Variants in KCNMA1 observed in about 807,000 individuals in gnomAD.
KCNMA1 encodes the protein potassium calcium-activated channel subfamily M alpha 1, also known as Calcium-activated potassium channel subunit alpha-1.
Under a neutral mutation model 140.0 loss-of-function variants are expected in KCNMA1, and 29 were observed. That is an observed-to-expected ratio of 0.21 (90% CI 0.15 to 0.28). KCNMA1 has a LOEUF of 0.28. KCNMA1 is among the 10% of genes least tolerant of loss of function. The pLI is 1.00. For synonymous variants in KCNMA1, 612 were observed against 611.9 expected (o/e 1.00, Z 0.00); for missense variants, 880 against 1,602.2 (o/e 0.55, Z 7.70).
Position 77,012,620 on chromosome 10 carries a change from G to C in KCNMA1, c.2016-577C>G, listed in dbSNP as rs571842598. The C allele has an allele frequency of 1.6e-4, 212 of 1,327,868 alleles. No individual in the cohort carries two copies. The East Asian group carries it at 5.1e-3, about 32-fold the overall frequency. 82.3% of individuals were successfully genotyped at this position (1,327,868 alleles called of 1,614,324 possible). On this transcript the variant is annotated intron_variant, in intron 17 of 27. Coordinates refer to ENST00000286628, the MANE Select transcript of KCNMA1 (RefSeq NM_001161352.2). ...GTTCCTCTGTCAAACCCCCTCTGGA[G>C]TTTCACAGCTTATTTTACTCCAAAG...
chr10:76,928,361 G>C (rs1157775306), intron 23 of KCNMA1, among the ~76,000 whole-genome samples: 1 of 151,148 alleles, frequency 6.6e-6, no homozygotes, highest in African/African-American at 2.4e-5. Context: ...TATATTCCAG[G>C]GAAGAGACTT....
intron 5 of KCNMA1, among the ~76,000 whole-genome samples, chr10:77,152,678 G>A (rs1170076602): frequency 2.6e-5 from 4 of 152,150 alleles, no homozygotes; most frequent in Admixed American, 2.6e-4. Flanking sequence ...CTTACGACCT[G>A]TAGACAGGCC....
chr10:77,066,063 G>A (rs2095930413), intron 14 of KCNMA1, among the ~76,000 whole-genome samples: 1 of 152,182 alleles, frequency 6.6e-6, no homozygotes, highest in Non-Finnish European at 1.5e-5. Context: ...GGCCATTGTA[G>A]GGACTTTATT....
intron 3 of KCNMA1, among the ~76,000 whole-genome samples, chr10:77,244,595 G>A (rs533771426): frequency 1.3e-5 from 2 of 152,166 alleles, no homozygotes; most frequent in Non-Finnish European, 2.9e-5. Context: ...AACAGATCCT[G>A]TCCCCAAAAT....
intron 2 of KCNMA1, among the ~76,000 whole-genome samples, chr10:77,275,746 T>C (rs2395462): frequency 0.85 from 128,719 of 152,198 alleles, 54,651 homozygotes; most frequent in African/African-American, 0.91. Flanking sequence ...CCACCATCAC[T>C]GCTCAGCAGG....
intron 18 of KCNMA1, 40 bp from the exon 19 acceptor site, chr10:77,001,620 C>A (rs1441014511): frequency 6.7e-7 from 1 of 1,503,278 alleles, no homozygotes. Context: ...GGAAGAGCGG[C>A]AATTAATGGC....
intron 1 of KCNMA1, among the ~76,000 whole-genome samples, chr10:77,417,553 G>T (rs944477277): frequency 6.6e-6 from 1 of 152,216 alleles, no homozygotes; most frequent in Non-Finnish European, 1.5e-5. Context: ...AATCCCAAAT[G>T]AGATCAGATG....
chr10:77,144,917 T>C (rs2154030365), intron 5 of KCNMA1, among the ~76,000 whole-genome samples: 1 of 152,306 alleles, frequency 6.6e-6, no homozygotes, highest in African/African-American at 2.4e-5. Flanking sequence ...GATTATGACA[T>C]CTACTTCACA....
At position 77,439,142 on chromosome 10, in the gene KCNMA1, GAAGAGAAAAGAGAAGAGAAGAA is replaced by G. The variant is rs1440410844; in HGVS notation, c.379-35141_379-35120del. On this transcript the variant is annotated intron_variant, in intron 1 of 27. Transcript: ENST00000286628. Reference sequence around the variant, plus strand: ...GAAGAGAAGAGAAGAGAAGAGAAGAGAAGAGAAAAGAGAAGAGAAGAAAAGAAAAGAGAAGAGAAGATTCCAA... The same window carrying G: ...GAAGAGAAGAGAAGAGAAGAGAAGAGAAGAAAAGAGAAGAGAAGATTCCAA... 2.3e-3 allele frequency among the ~76,000 whole-genome samples: 310 copies of G among 132,812 alleles called. 3 individuals carry two copies. The highest frequency in any genetic ancestry group is 8.1e-3 in the African/African-American group (288 of 35,696). 87.1% of individuals were successfully genotyped at this position (132,812 alleles called of 152,430 possible).
At chr10:76,945,223 A>G (rs528664072) in intron 22 of KCNMA1, among the ~76,000 whole-genome samples, 1 of 152,328 alleles carries the variant, frequency 6.6e-6, no homozygotes, top group South Asian at 2.1e-4. Context: ...CTTGTTCTCA[A>G]TACTCAATCA....
intron 19 of KCNMA1, among the ~76,000 whole-genome samples, chr10:76,987,479 G>GTTACAA (rs2081592447): frequency 6.6e-6 from 1 of 152,140 alleles, no homozygotes; most frequent in African/African-American, 2.4e-5. Context: ...TACCCTTTTT[G>GTTACAA]TTACAATTAC....
intron 5 of KCNMA1, chr10:77,149,921 G>A (rs941674637): frequency 6.6e-6 from 1 of 152,168 alleles, no homozygotes; most frequent in Admixed American, 6.5e-5. Context: ...CGCAGCATAT[G>A]ACTTCACTGA....
intron 18 of KCNMA1, among the ~76,000 whole-genome samples, chr10:77,004,021 G>A (rs1484289617): frequency 1.3e-5 from 2 of 152,120 alleles, no homozygotes. Flanking sequence ...TGCAGGAACA[G>A]GCTGAAACTG....
chr10:77,581,414 T>C (rs1324213950), intron 1 of KCNMA1, among the ~76,000 whole-genome samples: 1 of 152,042 alleles, frequency 6.6e-6, no homozygotes, highest in Non-Finnish European at 1.5e-5. Flanking sequence ...GTTCACGGCA[T>C]TCTCCTGCCT....
rs769151229 is a variant in KCNMA1, at chr10:76,887,334, G to T, written c.3643C>A (p.Arg1215=). ...SVHSIPSTAN[R]QNRPKSRESR... ...TCCCTGGACTTGGGCCGGTTCTGTC[G>T]GTTTGCTGTGGATGGGATGGAGTGA... The change falls in exon 28 of 28, where the codon CGA becomes AGA. Residue 1215 remains arginine (R), a synonymous_variant. Coordinates refer to ENST00000286628, the MANE Select transcript of KCNMA1 (RefSeq NM_001161352.2). 1.2e-6 allele frequency: 2 copies of T among 1,613,948 alleles called. No individual in the cohort carries two copies. The highest frequency in any genetic ancestry group is 1.6e-4 in the Middle Eastern group (1 of 6,084).
At chr10:77,486,225 G>T (rs1314687336) in intron 1 of KCNMA1, among the ~76,000 whole-genome samples, 1 of 152,166 alleles carries the variant, frequency 6.6e-6, no homozygotes, top group African/African-American at 2.4e-5. Context: ...AGCACACACT[G>T]AAGTATTCTT....
At chr10:77,368,203 T>C (rs2094480040) in intron 2 of KCNMA1, among the ~76,000 whole-genome samples, 1 of 152,200 alleles carries the variant, frequency 6.6e-6, no homozygotes, top group Non-Finnish European at 1.5e-5. Context: ...TCATCACTAC[T>C]TGGTATTGTT....
intron 15 of KCNMA1, among the ~76,000 whole-genome samples, chr10:77,032,882 T>G (rs570133908): frequency 2.6e-4 from 40 of 152,270 alleles, no homozygotes; most frequent in African/African-American, 9.4e-4. Context: ...TCAGCCCCCT[T>G]TACTGGAAAC....
At chr10:76,954,293 A>ACG (rs60005549) in intron 20 of KCNMA1, among the ~76,000 whole-genome samples, 32,746 of 151,430 alleles carry the variant, frequency 0.22, 4,082 homozygotes, top group East Asian at 0.46. Context: ...ACACACACAC[A>ACG]TACACACACA....
Sources: gnomAD v4.1 joint callset for allele counts (sites outside exome capture counted in the v4.1 genomes callset) on GRCh38, gnomAD v4.1.1 for gene constraint, MANE v1.5 for transcripts, NCBI Gene and HGNC (gene_info 2026-07-23, HGNC 2026-07-21) for gene names.